GNG7: variants seen among roughly 807,000 people sequenced by gnomAD.
GNG7 encodes G protein subunit gamma 7.
In GNG7, 1 loss-of-function variant was observed where a neutral mutation model predicts 4.0. That is an observed-to-expected ratio of 0.25 (90% CI 0.09 to 1.18). GNG7 has a LOEUF of 1.18. GNG7 is among the 50% of genes most tolerant of loss of function. The pLI is 0.50. For synonymous variants in GNG7, 34 were observed against 36.9 expected, an observed-to-expected ratio of 0.92 and a Z score of 0.29; for missense variants, 86 against 91.9, an observed-to-expected ratio of 0.94 and a Z score of 0.26.
At position 2,617,538 on chromosome 19, in the gene GNG7, C is replaced by T. The variant is rs1238444859; in HGVS notation, c.-78+28686G>A. ...CAAAGACCTGGCCTGGGTCCCCTCCCGTGGCTCCCAGACCTCCGCTTCCAG... is the reference window on the plus strand; with the variant it reads ...CAAAGACCTGGCCTGGGTCCCCTCCTGTGGCTCCCAGACCTCCGCTTCCAG... On this transcript the variant is annotated intron_variant, in intron 2 of 4. Transcript: ENST00000382159. This position sits in a 1 kb window ranked among gnomAD's most constrained non-coding sequence, Gnocchi z 4.7. 3.3e-5 allele frequency among the ~76,000 whole-genome samples: 5 copies of T among 152,200 alleles called. 1 individual carries two copies. Among genetic ancestry groups the T allele is most frequent in the East Asian group, 3.9e-4 (2 of 5,160 alleles).
At position 2,560,666 on chromosome 19, in the gene GNG7, T is replaced by C. The variant is rs1239497990; in HGVS notation, c.-77-5478A>G. Among the ~76,000 whole-genome samples the C allele has an allele frequency of 9.2e-5, 14 of 152,054 alleles. No individual in the cohort carries two copies. The East Asian group carries it at 2.7e-3, about 29-fold the overall frequency. Reference sequence around the variant, plus strand: ...CCTGGGGGGACCCTGAATTCATTATTTGGAAAAAAGCTGGGCGCGGTGGCT... The same window carrying C: ...CCTGGGGGGACCCTGAATTCATTATCTGGAAAAAAGCTGGGCGCGGTGGCT... On this transcript the variant is annotated intron_variant, in intron 2 of 4. Coordinates refer to ENST00000382159, the MANE Select transcript of GNG7 (RefSeq NM_052847.3).
At chr19:2,625,792 TTTTTGTTTTTG>T (rs1435841204) in intron 2 of GNG7, among the ~76,000 whole-genome samples, 1 of 151,926 alleles carries the variant, frequency 6.6e-6, no homozygotes, top group East Asian at 1.9e-4. Flanking sequence ...TTTTTGTTTG[TTTTTGTTTTTG>T]TTTTGTTTTT....
At chr19:2,635,722 G>C (rs1982290491) in intron 2 of GNG7, among the ~76,000 whole-genome samples, 1 of 152,034 alleles carries the variant, frequency 6.6e-6, no homozygotes, top group African/African-American at 2.4e-5. Flanking sequence ...AGCTGGGATT[G>C]CAGGCGCCCG....
rs1329274750 is a variant in GNG7 at position 2,522,536 on chromosome 19, A to AGGC, written c.-37-1814_-37-1812dup. 3.3e-5 allele frequency among the ~76,000 whole-genome samples: 5 copies of AGGC among 152,002 alleles called. No homozygotes were observed. In the East Asian group the frequency reaches 9.8e-4, roughly 30 times the overall value. ...ACGCCTGTAATCCCAGCACTTTGGG[A>AGGC]GGCCGAGGCGGGCGGGTCACAAGGT... On this transcript the variant is annotated intron_variant, in intron 3 of 4. Coordinates refer to ENST00000382159, the MANE Select transcript of GNG7 (RefSeq NM_052847.3).
chr19:2,536,761 C>T (rs371094659), intron 3 of GNG7, among the ~76,000 whole-genome samples: 8 of 152,112 alleles, frequency 5.3e-5, no homozygotes, highest in East Asian at 1.9e-4. Context: ...AACTAGACAG[C>T]GGTTTCCCCT....
rs192487893 is a variant in GNG7, at chr19:2,617,372, C to T, written c.-78+28852G>A. Among the ~76,000 whole-genome samples, 382 of 152,362 alleles carry T rather than the reference C, an allele frequency of 2.5e-3. No homozygotes were observed. The highest frequency in any genetic ancestry group is 5.7e-3 in the Admixed American group (88 of 15,306). On this transcript the variant is annotated intron_variant, in intron 2 of 4. Coordinates refer to ENST00000382159, the MANE Select transcript of GNG7 (RefSeq NM_052847.3). The surrounding 1 kb of genome is among the most constrained non-coding windows in gnomAD (Gnocchi z 4.7). The stretch of plus-strand genomic sequence containing the variant: ...CTGAGCCCGGCCCAGCCCTGCAGCT[C>T]TGACCCTGCCTTGGGCTGTGAGCTC...
chr19:2,593,375 G>C (rs1326954273), intron 2 of GNG7, among the ~76,000 whole-genome samples: 1 of 152,040 alleles, frequency 6.6e-6, no homozygotes, highest in Non-Finnish European at 1.5e-5. Context: ...AAATAGTATT[G>C]AGTCAATTTT....
intron 3 of GNG7, among the ~76,000 whole-genome samples, chr19:2,531,579 G>T (rs1978587892): frequency 6.6e-6 from 1 of 151,952 alleles, no homozygotes; most frequent in South Asian, 2.1e-4. Flanking sequence ...AGACCATCCT[G>T]GCTAACATGG....
chr19:2,663,951 A>C (rs1416455527), intron 1 of GNG7, among the ~76,000 whole-genome samples: 1 of 152,210 alleles, frequency 6.6e-6, no homozygotes, highest in Admixed American at 6.5e-5. Flanking sequence ...AGCACCCCCA[A>C]GTCACGGTAC....
chr19:2,564,802 A>G (rs1405490929), intron 2 of GNG7, among the ~76,000 whole-genome samples: 1 of 152,014 alleles, frequency 6.6e-6, no homozygotes, highest in Non-Finnish European at 1.5e-5. Context: ...GTAGGAGAGG[A>G]GACTGTCACA....
intron 1 of GNG7, among the ~76,000 whole-genome samples, chr19:2,702,271 C>G (rs1244641708): frequency 6.7e-6 from 1 of 150,088 alleles, no homozygotes; most frequent in Non-Finnish European, 1.5e-5. Context: ...CCAGCTGGCC[C>G]TGATTTCTAA....
At chr19:2,695,342 G>A (rs1315879300) in intron 1 of GNG7, among the ~76,000 whole-genome samples, 1 of 152,030 alleles carries the variant, frequency 6.6e-6, no homozygotes, top group East Asian at 1.9e-4. Context: ...GAACACACAG[G>A]CCCGAGGCCC....
chr19:2,526,933 C>T (rs1305449644), intron 3 of GNG7, among the ~76,000 whole-genome samples: 1 of 151,990 alleles, frequency 6.6e-6, no homozygotes, highest in Non-Finnish European at 1.5e-5. Flanking sequence ...GCAACCTCCA[C>T]CTCCTGAGTT....
intron 1 of GNG7, among the ~76,000 whole-genome samples, chr19:2,662,185 G>T (rs192462094): frequency 1.2e-3 from 183 of 151,744 alleles, no homozygotes; most frequent in African/African-American, 4.4e-3. Flanking sequence ...ACTTGAACCT[G>T]GGGGGCGGAG....
At chr19:2,664,228 C>T (rs903901915) in intron 1 of GNG7, among the ~76,000 whole-genome samples, 3 of 152,212 alleles carry the variant, frequency 2.0e-5, no homozygotes, top group Non-Finnish European at 2.9e-5. Context: ...TCGTTGGAGG[C>T]TGGATATAGA....
chr19:2,562,005 G>C (rs1437135808), intron 2 of GNG7, among the ~76,000 whole-genome samples: 2 of 152,134 alleles, frequency 1.3e-5, no homozygotes, highest in Non-Finnish European at 2.9e-5. Flanking sequence ...CTGTTTCTGA[G>C]CTTCGCAGGC....
intron 2 of GNG7, among the ~76,000 whole-genome samples, chr19:2,607,139 T>G (rs1284723300): frequency 6.6e-6 from 1 of 151,500 alleles, no homozygotes; most frequent in African/African-American, 2.4e-5. Flanking sequence ...GAGGATCACT[T>G]GAGCCCAGGA....
At chr19:2,676,451 C>T (rs1012083334) in intron 1 of GNG7, among the ~76,000 whole-genome samples, 2 of 152,128 alleles carry the variant, frequency 1.3e-5, no homozygotes, top group South Asian at 2.1e-4. Flanking sequence ...ATATCTCTGC[C>T]GCCCAGGCTA....
chr19:2,658,482 C>T (rs1051396801), intron 1 of GNG7, among the ~76,000 whole-genome samples: 4 of 151,932 alleles, frequency 2.6e-5, no homozygotes, highest in African/African-American at 7.3e-5. Flanking sequence ...CACAGCAGCA[C>T]GATTCACCAC....
Sources: allele counts gnomAD v4.1 joint callset (sites outside exome capture counted in the v4.1 genomes callset), GRCh38; gene constraint gnomAD v4.1.1; non-coding constraint Gnocchi (gnomAD v3.1); transcripts MANE v1.5; gene names NCBI Gene and HGNC (gene_info 2026-07-23, HGNC 2026-07-21).